PLEKHG1: variants seen among roughly 807,000 people sequenced by gnomAD.
The protein encoded by PLEKHG1 is pleckstrin homology and RhoGEF domain containing G1.
Under a neutral mutation model 100.8 loss-of-function variants are expected in PLEKHG1, and 44 were observed. The ratio of observed to expected loss-of-function variants is 0.44; its 90% CI spans 0.34 to 0.56. PLEKHG1 has a LOEUF of 0.56. Among genes scored for constraint, PLEKHG1 ranks in the 20% least tolerant of loss-of-function variants. The probability of loss-of-function intolerance (pLI) is 0.01; values close to 1 mark genes in which losing one functional copy is unlikely to be tolerated. For synonymous variants in PLEKHG1, 640 were observed against 662.5 expected, an observed-to-expected ratio of 0.97 and a Z score of 0.52; for missense variants, 1,545 against 1,720.9, an observed-to-expected ratio of 0.90 and a Z score of 1.81.
chr6:150,666,164 T>A (rs1409519158), intron 3 of PLEKHG1, among the ~76,000 whole-genome samples: 3 of 152,210 alleles, frequency 2.0e-5, no homozygotes, highest in African/African-American at 7.2e-5. Flanking sequence ...TCAAGTTCTA[T>A]AAATATAATG....
chr6:150,672,741 T>A (rs1779621655), intron 3 of PLEKHG1, among the ~76,000 whole-genome samples: 1 of 151,862 alleles, frequency 6.6e-6, no homozygotes, highest in Admixed American at 6.6e-5. Flanking sequence ...CAAGTTTGAG[T>A]GAGAAGAAAG....
chr6:150,658,311 GA>G (rs1408954315), intron 3 of PLEKHG1, among the ~76,000 whole-genome samples: 6 of 152,174 alleles, frequency 3.9e-5, no homozygotes, highest in African/African-American at 1.4e-4. Context: ...TTTTAAAATA[GA>G]AAGACAAGGA....
intron 1 of PLEKHG1, among the ~76,000 whole-genome samples, chr6:150,637,828 C>T (rs1358526967): frequency 1.3e-5 from 2 of 152,010 alleles, no homozygotes; most frequent in Non-Finnish European, 2.9e-5. Context: ...ATATTTTCTC[C>T]CCACTAATAT....
At chr6:150,629,911 T>G (rs1243743465) in intron 1 of PLEKHG1, among the ~76,000 whole-genome samples, 2 of 152,216 alleles carry the variant, frequency 1.3e-5, no homozygotes, top group African/African-American at 2.4e-5. Context: ...TTCTGTATTT[T>G]GGGAGATTTT....
chr6:150,780,929 A>G (rs539935026), intron 3 of PLEKHG1, among the ~76,000 whole-genome samples: 1 of 152,006 alleles, frequency 6.6e-6, no homozygotes, highest in Non-Finnish European at 1.5e-5. Flanking sequence ...GCTGGAGTGC[A>G]GTGGCACTAT....
Position 150,831,816 on chromosome 6 carries a change from C to T in PLEKHG1, c.2705C>T (p.Pro902Leu), listed in dbSNP as rs1414183931. Residue 902 changes from proline (P) to leucine (L), a missense_variant, in exon 15 of 16, where the codon CCC becomes CTC. By Grantham distance (98) the Pro-to-Leu change is moderately conservative (BLOSUM62 -3). Coordinates refer to ENST00000358517, the Ensembl canonical transcript of PLEKHG1. The surrounding 1 kb of genome is among the most constrained non-coding windows in gnomAD (Gnocchi z 4.1). ...CCTGAGAGCCAGGCTCTCCTCACGC[C>T]CGTGAAGAGCAGGGCTGGCAGAGCC... The T allele has an allele frequency of 6.2e-7, 1 of 1,612,342 alleles. No individual in the cohort carries two copies.
intron 15 of PLEKHG1, among the ~76,000 whole-genome samples, chr6:150,838,280 T>A (rs17080403): frequency 0.033 from 5,099 of 152,296 alleles, 107 homozygotes; most frequent in South Asian, 0.066. Context: ...TCTGAGCAAG[T>A]TATAGGATGC....
chr6:150,756,641 A>G (rs1783855038), intron 2 of PLEKHG1, among the ~76,000 whole-genome samples: 1 of 152,204 alleles, frequency 6.6e-6, no homozygotes, highest in Non-Finnish European at 1.5e-5. Context: ...TATGTGACTC[A>G]GGAGATGAGA....
intron 3 of PLEKHG1, among the ~76,000 whole-genome samples, chr6:150,654,859 T>G (rs1402338929): frequency 1.3e-5 from 2 of 152,272 alleles, no homozygotes; most frequent in Non-Finnish European, 2.9e-5. Context: ...AATATAACCA[T>G]CCAGGGGGAT....
At chr6:150,731,224 G>A (rs956395092) in intron 1 of PLEKHG1, among the ~76,000 whole-genome samples, 2 of 152,168 alleles carry the variant, frequency 1.3e-5, no homozygotes, top group African/African-American at 4.8e-5. Context: ...TAGGTCAAGT[G>A]CATCTTAACT....
chr6:150,621,375 A>AT (rs111639263), intron 1 of PLEKHG1, among the ~76,000 whole-genome samples: 5,272 of 141,418 alleles, frequency 0.037, 153 homozygotes, highest in East Asian at 0.085. Context: ...GCACAAATCA[A>AT]TTTTTTTTTT....
rs1426823152 is a variant in PLEKHG1 at position 150,800,889 on chromosome 6, G to A, written c.780+20G>A. ...CTGCATGTAAGTTTCTGCCTGGCATGAGCACTTTCCAGGGGATGGGAGTTT... is the reference window on the plus strand; with the variant it reads ...CTGCATGTAAGTTTCTGCCTGGCATAAGCACTTTCCAGGGGATGGGAGTTT... On this transcript the variant is annotated intron_variant, in intron 6 of 15. Coordinates refer to ENST00000358517, the Ensembl canonical transcript of PLEKHG1. 1 of 1,610,336 alleles carries A rather than the reference G, an allele frequency of 6.2e-7. No homozygotes were observed. The highest frequency in any genetic ancestry group is 8.5e-7 in the Non-Finnish European group (1 of 1,177,168).
At chr6:150,810,904 G>A (rs1175348087) in intron 10 of PLEKHG1, among the ~76,000 whole-genome samples, 1 of 151,772 alleles carries the variant, frequency 6.6e-6, no homozygotes, top group Non-Finnish European at 1.5e-5. Context: ...CTGGGTGACA[G>A]AGCAAGATCC....
In PLEKHG1 at chr6:150,608,375, G is replaced by A. The variant is rs113574002; in HGVS notation, c.-204+8358G>A. Among the ~76,000 whole-genome samples the A allele has an allele frequency of 7.2e-3, 1,092 of 152,322 alleles. 10 individuals are homozygous for A. The highest frequency in any genetic ancestry group is 0.025 in the African/African-American group (1,035 of 41,554). On this transcript the variant is annotated intron_variant, in intron 1 of 3. Transcript: ENST00000367326. ...CTGGTTTTGCCCTATGATCTGTCATGTATCAGAATGTGATACTGTCTAATA... is the reference window on the plus strand; with the variant it reads ...CTGGTTTTGCCCTATGATCTGTCATATATCAGAATGTGATACTGTCTAATA...
chr6:150,833,092 G>T (rs1397097149), intron 15 of PLEKHG1, among the ~76,000 whole-genome samples: 1 of 149,526 alleles, frequency 6.7e-6, no homozygotes, highest in Non-Finnish European at 1.5e-5. Flanking sequence ...ACCCAGGCAG[G>T]AGTGCAGTAG....
chr6:150,748,284 A>G (rs778975630), intron 2 of PLEKHG1, among the ~76,000 whole-genome samples: 5 of 152,134 alleles, frequency 3.3e-5, no homozygotes, highest in Non-Finnish European at 7.3e-5. Flanking sequence ...CCATTCATCC[A>G]TTGATGCACA....
chr6:150,668,912 G>A (rs1052263378), intron 3 of PLEKHG1, among the ~76,000 whole-genome samples: 2 of 152,084 alleles, frequency 1.3e-5, no homozygotes, highest in Non-Finnish European at 2.9e-5. Context: ...AAATAAAATG[G>A]CAGCTGAATT....
At chr6:150,818,206 G>A (rs776120269) in exon 11 of PLEKHG1, 1 of 1,604,964 alleles carries the variant, frequency 6.2e-7, no homozygotes, top group Non-Finnish European at 8.5e-7. Context: ...TCCTTGAAAT[G>A]GATGCCATTC....
intron 2 of PLEKHG1, among the ~76,000 whole-genome samples, chr6:150,762,530 C>A (rs756092995): frequency 3.9e-5 from 6 of 151,976 alleles, no homozygotes; most frequent in Non-Finnish European, 8.8e-5. Flanking sequence ...TCCCTTTCTT[C>A]TCCTTCCTTC....
Sources: allele counts gnomAD v4.1 joint callset (sites outside exome capture counted in the v4.1 genomes callset), GRCh38; gene constraint gnomAD v4.1.1; non-coding constraint Gnocchi (gnomAD v3.1); transcripts MANE v1.5; gene names NCBI Gene and HGNC (gene_info 2026-07-23, HGNC 2026-07-21).